CASP8: variants seen among roughly 807,000 people sequenced by gnomAD.
CASP8 encodes the protein caspase 8, also known as caspase-8.
Under a neutral mutation model 46.3 loss-of-function variants are expected in CASP8, and 24 were observed. The observed-to-expected ratio is 0.52, with a 90% CI of 0.38 to 0.73. The LOEUF (loss-of-function observed/expected upper bound fraction) is 0.73. CASP8 is among the 30% of genes least tolerant of loss of function. The probability of loss-of-function intolerance (pLI) is 0.00; values close to 1 mark genes in which losing one functional copy is unlikely to be tolerated. For missense variants in CASP8, 460 were observed against 559.0 expected, an observed-to-expected ratio of 0.82 and a Z score of 1.79; for synonymous variants, 188 against 200.4, an observed-to-expected ratio of 0.94 and a Z score of 0.52.
chr2:201,286,358 G>C (rs1949557782), intron 8 of CASP8, 101 bp from the exon 9 acceptor site: 1 of 1,415,722 alleles, frequency 7.1e-7, no homozygotes. Context: ...CTGATATTTT[G>C]AGAGAAAGAA....
intron 1 of CASP8, among the ~76,000 whole-genome samples, chr2:201,263,341 A>G (rs1251097809): frequency 6.6e-6 from 1 of 152,240 alleles, no homozygotes; most frequent in Non-Finnish European, 1.5e-5. Context: ...ATTATAGCCC[A>G]TCTCTAAGAT....
chr2:201,266,815 G>T lies in CASP8; in HGVS notation c.305+24G>T. On this transcript the variant is annotated intron_variant, in intron 2 of 8. Transcript: ENST00000673742. The surrounding 1 kb of genome is among the most constrained non-coding windows in gnomAD (Gnocchi z 5.7). ...AGGTGGGTGGAAACTCCCATTGTGG[G>T]ACTGGGAGGTGTGGGTTGAATGGAC... 6.3e-7 allele frequency: 1 copy of T among 1,586,534 alleles called. No individual in the cohort carries two copies. The highest frequency in any genetic ancestry group is 1.1e-5 in the South Asian group (1 of 89,578).
At chr2:201,237,207 C>T (rs1313241678) in intron 2 of CASP8, among the ~76,000 whole-genome samples, 1 of 150,880 alleles carries the variant, frequency 6.6e-6, no homozygotes, top group Non-Finnish European at 1.5e-5. Context: ...TCTCCCACCT[C>T]AGCCTCCTGA....
intron 7 of CASP8, chr2:201,277,962 A>G (rs969416723): frequency 2.0e-5 from 4 of 200,334 alleles, no homozygotes; most frequent in Non-Finnish European, 4.2e-5. Context: ...CGGCCTCCCA[A>G]AGTGCTGGAA....
intron 2 of CASP8, among the ~76,000 whole-genome samples, chr2:201,239,244 G>A (rs921640496): frequency 1.3e-5 from 2 of 151,716 alleles, no homozygotes; most frequent in African/African-American, 2.4e-5. Context: ...CCACAAAACC[G>A]CCATTGTCAT....
At chr2:201,282,971 C>T (rs1333869474) in intron 7 of CASP8, among the ~76,000 whole-genome samples, 2 of 68,148 alleles carry the variant, frequency 2.9e-5, no homozygotes, top group Admixed American at 1.2e-4. Flanking sequence ...CCCTCCCGGA[C>T]GGGGCGGCTG....
At chr2:201,285,540 G>A (rs1351654916) in intron 8 of CASP8, among the ~76,000 whole-genome samples, 2 of 152,224 alleles carry the variant, frequency 1.3e-5, no homozygotes, top group African/African-American at 2.4e-5. Flanking sequence ...CAAAGTGGGA[G>A]AGTGGCAAGT....
intron 1 of CASP8, chr2:201,262,411 A>T (rs1413697647): frequency 6.6e-6 from 1 of 151,548 alleles, no homozygotes; most frequent in Non-Finnish European, 1.5e-5. Context: ...TGGGGCATAA[A>T]TATATAAAAT....
chr2:201,259,688 A>G (rs954236635), upstream of CASP8, among the ~76,000 whole-genome samples: 1 of 152,194 alleles, frequency 6.6e-6, no homozygotes, highest in Non-Finnish European at 1.5e-5. Flanking sequence ...AACTCTCAGT[A>G]TGAAGGCAAT....
intron 7 of CASP8, among the ~76,000 whole-genome samples, chr2:201,279,292 C>G (rs575267918): frequency 3.9e-5 from 6 of 152,338 alleles, no homozygotes; most frequent in Middle Eastern, 3.4e-3. Flanking sequence ...CAGAGAGGCT[C>G]TACACTTCGG....
At chr2:201,281,148 T>C (rs987499511) in intron 7 of CASP8, among the ~76,000 whole-genome samples, 3 of 152,020 alleles carry the variant, frequency 2.0e-5, no homozygotes, top group East Asian at 1.9e-4. Context: ...ACCCTGTCTC[T>C]ACTAAAAATA....
At chr2:201,262,839 A>G (rs1013033697) in intron 1 of CASP8, among the ~76,000 whole-genome samples, 2 of 152,200 alleles carry the variant, frequency 1.3e-5, no homozygotes, top group Non-Finnish European at 2.9e-5. Context: ...GGTGTCATAA[A>G]TCCTTTGCAA....
rs773845990 is a variant in CASP8, at chr2:201,271,573, G to A, written c.363G>A (p.Lys121=). The A allele has an allele frequency of 9.3e-6, 15 of 1,611,744 alleles. No individual in the cohort carries two copies. In the African/African-American group the frequency reaches 1.2e-4, roughly 13 times the overall value. The change falls in exon 3 of 9, where the codon AAG becomes AAA. Residue 121 remains lysine (K), a synonymous_variant. Coordinates refer to ENST00000673742, the MANE Select transcript of CASP8 (RefSeq NM_001372051.1). ...EVSRSELRSF[K]FLLQEEISKC... is the part of the protein sequence containing the mutation. Reference sequence around the variant, plus strand: ...GCAGATCAGAATTGAGGTCTTTTAAGTTTCTTTTGCAAGAGGAAATCTCCA... The same window carrying A: ...GCAGATCAGAATTGAGGTCTTTTAAATTTCTTTTGCAAGAGGAAATCTCCA...
chr2:201,285,363 C>T (rs372712049), intron 8 of CASP8, 46 bp downstream of exon 8: 6 of 1,602,382 alleles, frequency 3.7e-6, no homozygotes, highest in Non-Finnish European at 4.3e-6. Context: ...ACTACCTTCC[C>T]CCCCTACTCC....
chr2:201,241,545 TA>T (rs1946299729), intron 2 of CASP8: 1 of 152,232 alleles, frequency 6.6e-6, no homozygotes, highest in South Asian at 2.1e-4. Flanking sequence ...TGTGGAGGTT[TA>T]GTCAATAATC....
At chr2:201,257,897 A>G (rs538850505), upstream of CASP8, 28 of 368,432 alleles carry the variant, frequency 7.6e-5, no homozygotes, top group Non-Finnish European at 1.4e-4. Context: ...TGGAGTCAGT[A>G]TAAATGCTTT....
intron 2 of CASP8, chr2:201,269,430 A>T: frequency 1.2e-6 from 1 of 856,614 alleles, no homozygotes; most frequent in Non-Finnish European, 1.9e-6. Context: ...GGCGCCAGTT[A>T]GTCCTAAAAA....
intron 1 of CASP8, among the ~76,000 whole-genome samples, 191 bp downstream of exon 1, chr2:201,260,804 C>T (rs889846230): frequency 2.0e-5 from 3 of 152,086 alleles, no homozygotes; most frequent in Non-Finnish European, 2.9e-5. Context: ...AGAGCCTTGC[C>T]GAGGGCCGTG....
intron 2 of CASP8, chr2:201,241,806 A>G (rs1946310740): frequency 6.6e-6 from 1 of 152,240 alleles, no homozygotes; most frequent in South Asian, 2.1e-4. Context: ...CTCATAACAA[A>G]ATACTAGCAA....
Sources: allele counts gnomAD v4.1 joint callset (sites outside exome capture counted in the v4.1 genomes callset), GRCh38; gene constraint gnomAD v4.1.1; non-coding constraint Gnocchi (gnomAD v3.1); transcripts MANE v1.5; gene names NCBI Gene and HGNC (gene_info 2026-07-23, HGNC 2026-07-21).